UBASH3B: variants seen among roughly 807,000 people sequenced by gnomAD.
UBASH3B encodes the protein ubiquitin-associated and SH3 domain-containing protein B.
UBASH3B carries 37 observed loss-of-function variants against 83.4 expected under a neutral mutation model. The observed-to-expected ratio is 0.44, with a 90% CI of 0.34 to 0.58. UBASH3B has a LOEUF of 0.58. Ranked by LOEUF, UBASH3B falls within the 20% of genes least tolerant of loss-of-function variation. UBASH3B has a pLI of 0.01. For missense variants in UBASH3B, 657 were observed against 827.2 expected (o/e 0.79, Z 2.52); for synonymous variants, 304 against 318.3 (o/e 0.96, Z 0.48).
At chr11:122,665,712 G>A (rs1863507152) in intron 1 of UBASH3B, among the ~76,000 whole-genome samples, 1 of 152,246 alleles carries the variant, frequency 6.6e-6, no homozygotes, top group Non-Finnish European at 1.5e-5. Flanking sequence ...GGCAATTACA[G>A]TGGTGGGGAG....
chr11:122,755,853 A>G (rs1385608893), intron 1 of UBASH3B, among the ~76,000 whole-genome samples: 2 of 152,344 alleles, frequency 1.3e-5, no homozygotes, highest in East Asian at 3.9e-4. Flanking sequence ...GTAATTAATT[A>G]TAATCTGCTT....
chr11:122,690,167 CATATATATATATATATATATATAT>C (rs57203901), intron 1 of UBASH3B, among the ~76,000 whole-genome samples: 6 of 43,562 alleles, frequency 1.4e-4, no homozygotes, highest in East Asian at 1.0e-3. Flanking sequence ...GGCAGGAAAA[CATATATATATATATATATATATAT>C]ATATATATAT....
chr11:122,697,801 C>A (rs1050713002), intron 1 of UBASH3B, among the ~76,000 whole-genome samples: 1 of 152,142 alleles, frequency 6.6e-6, no homozygotes, highest in African/African-American at 2.4e-5. Context: ...GGGTTTACAG[C>A]AACTTAGAAT....
In UBASH3B at chr11:122,812,094, G is replaced by A. The variant is rs995430540; in HGVS notation, c.*2208G>A. On this transcript the variant is annotated 3_prime_UTR_variant, in exon 14 of 14. Transcript: ENST00000284273. ...GTATGACGAACTGATAAATCTGTCT[G>A]ACTGGGCTACAATCCATTGTTCTTA... 6 of 152,242 alleles carry A rather than the reference G, an allele frequency of 3.9e-5. No homozygotes were observed. Among genetic ancestry groups the A allele is most frequent in the Non-Finnish European group, 8.8e-5 (6 of 68,060 alleles). 9.4% of individuals were successfully genotyped at this position (152,242 alleles called of 1,614,324 possible).
At chr11:122,660,679 T>G (rs917670196) in intron 1 of UBASH3B, among the ~76,000 whole-genome samples, 1 of 152,240 alleles carries the variant, frequency 6.6e-6, no homozygotes, top group Non-Finnish European at 1.5e-5. Flanking sequence ...GGGCTGATGC[T>G]GGGCCTTGGA....
At chr11:122,671,320 G>T (rs1413072365) in intron 1 of UBASH3B, among the ~76,000 whole-genome samples, 1 of 152,098 alleles carries the variant, frequency 6.6e-6, no homozygotes, top group Admixed American at 6.5e-5. Flanking sequence ...AAGGCCAGGA[G>T]TTCAAGACTA....
intron 1 of UBASH3B, among the ~76,000 whole-genome samples, chr11:122,770,064 G>T (rs1046930906): frequency 2.0e-5 from 3 of 152,184 alleles, no homozygotes; most frequent in African/African-American, 7.2e-5. Context: ...CCACTTGAAG[G>T]ATTACATGCT....
chr11:122,739,253 T>A (rs535353339), intron 1 of UBASH3B, among the ~76,000 whole-genome samples: 1 of 152,334 alleles, frequency 6.6e-6, no homozygotes, highest in African/African-American at 2.4e-5. Context: ...GAAAAATTAT[T>A]CTAACAATAG....
chr11:122,779,887 A>G (rs556455710), intron 4 of UBASH3B, among the ~76,000 whole-genome samples, 192 bp downstream of exon 4: 48 of 152,104 alleles, frequency 3.2e-4, no homozygotes, highest in African/African-American at 1.0e-3. Context: ...AAAACGTTCA[A>G]CCCCTCTTCT....
intron 1 of UBASH3B, among the ~76,000 whole-genome samples, chr11:122,667,496 T>A (rs1167524360): frequency 1.3e-5 from 2 of 151,914 alleles, no homozygotes; most frequent in African/African-American, 4.8e-5. Context: ...CAATCTAGGG[T>A]GGAAGATACA....
At chr11:122,676,560 A>G (rs1380263698) in intron 1 of UBASH3B, among the ~76,000 whole-genome samples, 2 of 151,936 alleles carry the variant, frequency 1.3e-5, no homozygotes, top group Non-Finnish European at 2.9e-5. Context: ...AATATATACA[A>G]AAACTAGTTG....
chr11:122,808,039 C>A, intron 12 of UBASH3B, 28 bp from the exon 13 acceptor site: 2 of 1,557,934 alleles, frequency 1.3e-6, no homozygotes, highest in Non-Finnish European at 1.8e-6. Context: ...TAGAAACAGT[C>A]TTCCCATACC....
intron 1 of UBASH3B, among the ~76,000 whole-genome samples, chr11:122,699,780 C>T (rs189609330): frequency 3.9e-5 from 6 of 152,048 alleles, no homozygotes; most frequent in East Asian, 1.9e-4. Context: ...GACATGGTTT[C>T]GCCATGTTGC....
Position 122,690,292 on chromosome 11 carries a change from A to C in UBASH3B, c.161+34082A>C, listed in dbSNP as rs532508350. Among the ~76,000 whole-genome samples, 179 of 117,708 alleles carry C rather than the reference A, an allele frequency of 1.5e-3. 1 individual carries two copies. The highest frequency in any genetic ancestry group is 4.9e-3 in the African/African-American group (161 of 32,928). The allele number at this position is 117,708 out of a possible 152,430, so 77.2% of individuals were successfully genotyped here. A position where few individuals can be genotyped will look rare whatever the true frequency, so the allele number is the denominator to read the frequency against. ...TATATCTCCAATTATACATATATAT[A>C]TCTCCAATTATACATATATATATAT... is the stretch of plus-strand genomic sequence containing the variant. On this transcript the variant is annotated intron_variant, in intron 1 of 13. Transcript: ENST00000284273.
At chr11:122,669,093 A>T (rs1218730113) in intron 1 of UBASH3B, among the ~76,000 whole-genome samples, 2 of 152,250 alleles carry the variant, frequency 1.3e-5, no homozygotes, top group African/African-American at 4.8e-5. Context: ...TATAGCCAAA[A>T]GCATGTGTAG....
intron 1 of UBASH3B, among the ~76,000 whole-genome samples, chr11:122,664,810 C>T (rs1200141400): frequency 3.3e-5 from 5 of 152,200 alleles, no homozygotes; most frequent in Admixed American, 6.5e-5. Flanking sequence ...TGCAGTTCTC[C>T]GGAGGAAAAG....
In UBASH3B at chr11:122,683,743, TTGTGTGTGTG is replaced by T. The variant is rs57305276; in HGVS notation, c.161+27558_161+27567del. Among the ~76,000 whole-genome samples, 255 of 99,110 alleles carry T rather than the reference TTGTGTGTGTG, an allele frequency of 2.6e-3. 1 individual carries two copies. The highest frequency in any genetic ancestry group is 6.4e-3 in the African/African-American group (230 of 36,182). 65.0% of individuals were successfully genotyped at this position (99,110 alleles called of 152,430 possible). On this transcript the variant is annotated intron_variant, in intron 1 of 13. Coordinates refer to ENST00000284273, the MANE Select transcript of UBASH3B (RefSeq NM_032873.5). ...CAATTGCCTTATAATTAAAAAAAAA[TTGTGTGTGTG>T]TGTGTGTGTGTGTGTGTGTGTGTGA...
chr11:122,760,318 T>C (rs1861349014), intron 1 of UBASH3B, among the ~76,000 whole-genome samples: 1 of 151,906 alleles, frequency 6.6e-6, no homozygotes, highest in Non-Finnish European at 1.5e-5. Flanking sequence ...GAGGGTGGAG[T>C]TAGCCTTGCA....
chr11:122,763,813 C>T (rs1047690369), intron 1 of UBASH3B, among the ~76,000 whole-genome samples: 32 of 151,370 alleles, frequency 2.1e-4, no homozygotes, highest in Admixed American at 1.2e-3. Flanking sequence ...TGTGTAGAGC[C>T]ATTATGGTTG....
Sources: gnomAD v4.1 joint callset for allele counts (sites outside exome capture counted in the v4.1 genomes callset) on GRCh38, gnomAD v4.1.1 for gene constraint, MANE v1.5 for transcripts, NCBI Gene and HGNC (gene_info 2026-07-23, HGNC 2026-07-21) for gene names.